PIK3C2G: variants seen among roughly 807,000 people sequenced by gnomAD.
The protein encoded by PIK3C2G is phosphatidylinositol 3-kinase C2 domain-containing subunit gamma.
Under a neutral mutation model 181.1 loss-of-function variants are expected in PIK3C2G, and 168 were observed. The observed-to-expected ratio is 0.93, with a 90% CI of 0.82 to 1.05. The LOEUF is 1.05. PIK3C2G is among the 50% of genes least tolerant of loss of function. The pLI is 0.00. For synonymous variants in PIK3C2G, 573 were observed against 592.2 expected, an observed-to-expected ratio of 0.97 and a Z score of 0.47; for missense variants, 1,869 against 1,732.8, an observed-to-expected ratio of 1.08 and a Z score of -1.40.
At chr12:18,489,676 A>T (rs1367327620) in intron 19 of PIK3C2G, among the ~76,000 whole-genome samples, 2 of 152,166 alleles carry the variant, frequency 1.3e-5, no homozygotes. Context: ...AAGTTCTATG[A>T]TTTTTTAAAC....
chr12:18,280,474 G>A (rs577275410), intron 1 of PIK3C2G, among the ~76,000 whole-genome samples: 40 of 152,084 alleles, frequency 2.6e-4, no homozygotes, highest in African/African-American at 9.6e-4. Flanking sequence ...AGTAGGATGA[G>A]TGTCCAGGAT....
chr12:18,276,562 T>G (rs973754835), intron 1 of PIK3C2G, among the ~76,000 whole-genome samples: 1 of 152,212 alleles, frequency 6.6e-6, no homozygotes, highest in African/African-American at 2.4e-5. Context: ...ATTTTACTTT[T>G]GCTTTTTCCA....
rs532374687 is a variant in PIK3C2G, at chr12:18,266,405, G to A, written c.-79+4828G>A. ...ACACTTAACATGCCTTTCAGTTTTA[G>A]TTGAAATATAATCTAAGACTCCACC... On this transcript the variant is annotated intron_variant, in intron 1 of 32. Coordinates refer to ENST00000538779, the MANE Select transcript of PIK3C2G (RefSeq NM_001288772.2). 3.3e-5 allele frequency among the ~76,000 whole-genome samples: 5 copies of A among 152,178 alleles called. No individual in the cohort carries two copies. In the South Asian group the frequency reaches 8.3e-4, roughly 25 times the overall value.
chr12:18,654,039 G>A, the PIK3C2G span, among the ~76,000 whole-genome samples: 1 of 151,942 alleles, frequency 6.6e-6, no homozygotes, highest in Non-Finnish European at 1.5e-5. Context: ...TCAGAGCAAT[G>A]GTAGCAGAAG....
intron 8 of PIK3C2G, among the ~76,000 whole-genome samples, chr12:18,335,477 G>T (rs1032072593): frequency 1.3e-5 from 2 of 152,054 alleles, no homozygotes; most frequent in African/African-American, 4.8e-5. Context: ...GTGTGTGTAT[G>T]TATGTGTGGT....
At chr12:18,467,260 G>T (rs1937984398) in intron 18 of PIK3C2G, among the ~76,000 whole-genome samples, 1 of 151,948 alleles carries the variant, frequency 6.6e-6, no homozygotes, top group Non-Finnish European at 1.5e-5. Context: ...TCAGAGAATT[G>T]ATTCTACTCC....
chr12:18,375,386 T>TA (rs1468696887), intron 13 of PIK3C2G, among the ~76,000 whole-genome samples: 1 of 152,198 alleles, frequency 6.6e-6, no homozygotes, highest in Non-Finnish European at 1.5e-5. Context: ...AATGATGACT[T>TA]AGAGTATCTG....
intron 29 of PIK3C2G, among the ~76,000 whole-genome samples, chr12:18,577,003 T>A (rs1175579008): frequency 6.6e-6 from 1 of 152,220 alleles, no homozygotes; most frequent in Non-Finnish European, 1.5e-5. Flanking sequence ...GCTGAAATTG[T>A]CAGGTTTGGG....
chr12:18,245,364 C>T (rs568768005), upstream of PIK3C2G, among the ~76,000 whole-genome samples: 5 of 152,008 alleles, frequency 3.3e-5, no homozygotes, highest in South Asian at 8.3e-4. Flanking sequence ...AAACCTACTC[C>T]GTAGTGAAAG....
chr12:18,298,179 C>A (rs1950021102), intron 5 of PIK3C2G, among the ~76,000 whole-genome samples: 1 of 151,890 alleles, frequency 6.6e-6, no homozygotes, highest in Non-Finnish European at 1.5e-5. Flanking sequence ...TGCATCCTTG[C>A]CAGCATTTGT....
chr12:18,496,361 A>G (rs1941013104), intron 21 of PIK3C2G, among the ~76,000 whole-genome samples: 1 of 152,176 alleles, frequency 6.6e-6, no homozygotes, highest in South Asian at 2.1e-4. Context: ...GCTCAAAGCC[A>G]GGGAGCCTTC....
intron 32 of PIK3C2G, among the ~76,000 whole-genome samples, chr12:18,647,178 C>T (rs2961546): frequency 0.12 from 18,038 of 151,624 alleles, 1,366 homozygotes; most frequent in African/African-American, 0.21. Flanking sequence ...CAGTATTATG[C>T]CTGCATATGC....
chr12:18,263,849 TA>T (rs761886347), intron 1 of PIK3C2G, among the ~76,000 whole-genome samples: 17 of 152,224 alleles, frequency 1.1e-4, no homozygotes, highest in Admixed American at 2.0e-4. Context: ...TAACAATCTA[TA>T]GATTTTATAT....
chr12:18,498,141 T>C (rs551745506), intron 22 of PIK3C2G, among the ~76,000 whole-genome samples: 3 of 152,322 alleles, frequency 2.0e-5, no homozygotes, highest in Non-Finnish European at 4.4e-5. Flanking sequence ...TGAAAGGAGT[T>C]CTGGAAATCC....
At chr12:18,579,941 T>C (rs891226716) in intron 29 of PIK3C2G, among the ~76,000 whole-genome samples, 1 of 152,100 alleles carries the variant, frequency 6.6e-6, no homozygotes, top group African/African-American at 2.4e-5. Flanking sequence ...AAGACCATCC[T>C]GGCCAACATG....
rs557004263 is a variant in PIK3C2G at position 18,285,247 on chromosome 12, A to G, written c.679-1600A>G. The G allele has an allele frequency of 2.6e-5, 4 of 152,262 alleles. No homozygotes were observed. In the East Asian group the frequency reaches 7.7e-4, roughly 29 times the overall value. 9.4% of individuals were successfully genotyped at this position (152,262 alleles called of 1,614,324 possible). A position where few individuals can be genotyped will look rare whatever the true frequency, so the allele number is the denominator to read the frequency against. On this transcript the variant is annotated intron_variant, in intron 2 of 32. Transcript: ENST00000538779. ...TAAATTCTTTAAAAGAAAATAAAACATACTTCTATATCCACTGAGTATAAG... is the reference window on the plus strand; with the variant it reads ...TAAATTCTTTAAAAGAAAATAAAACGTACTTCTATATCCACTGAGTATAAG...
chr12:18,437,529 T>C (rs1300625616), intron 18 of PIK3C2G, among the ~76,000 whole-genome samples: 1 of 151,990 alleles, frequency 6.6e-6, no homozygotes, highest in Non-Finnish European at 1.5e-5. Flanking sequence ...TGACAGAATG[T>C]CAGATAATTG....
chr12:18,705,116 G>A, the PIK3C2G span: 115 of 1,599,354 alleles, frequency 7.2e-5, no homozygotes, highest in East Asian at 2.4e-3. Context: ...ACAGTGACAT[G>A]TTTTCATGGA....
chr12:18,308,871 T>C (rs10770353), intron 5 of PIK3C2G, among the ~76,000 whole-genome samples: 80,559 of 151,336 alleles, frequency 0.53, 21,804 homozygotes, highest in East Asian at 0.74. Context: ...AAATAATTTG[T>C]GAGGAATGTA....
Sources: allele counts gnomAD v4.1 joint callset (sites outside exome capture counted in the v4.1 genomes callset), GRCh38; gene constraint gnomAD v4.1.1; transcripts MANE v1.5; gene names NCBI Gene and HGNC (gene_info 2026-07-23, HGNC 2026-07-21).